Variants in TLK1 observed in about 807,000 individuals in gnomAD.
TLK1 encodes serine/threonine-protein kinase tousled-like 1.
TLK1 carries 24 observed loss-of-function variants against 105.3 expected under a neutral mutation model. That is an observed-to-expected ratio of 0.23 (90% CI 0.17 to 0.32). TLK1 has a LOEUF of 0.32. Among genes scored for constraint, TLK1 ranks in the 10% least tolerant of loss-of-function variants. TLK1 has a pLI of 1.00. For missense variants in TLK1, 558 were observed against 910.5 expected, an observed-to-expected ratio of 0.61 and a Z score of 4.98; for synonymous variants, 321 against 310.4, an observed-to-expected ratio of 1.03 and a Z score of -0.36.
chr2:171,161,089 G>A (rs1692483925), upstream of TLK1, among the ~76,000 whole-genome samples: 1 of 147,928 alleles, frequency 6.8e-6, no homozygotes, highest in African/African-American at 2.4e-5. Flanking sequence ...AGACTAGAGC[G>A]CCGGGGCGCC....
chr2:171,030,619 G>T (rs1209541468), intron 11 of TLK1, among the ~76,000 whole-genome samples: 2 of 152,138 alleles, frequency 1.3e-5, no homozygotes, highest in East Asian at 3.8e-4. Context: ...TGCCACTGGT[G>T]GAAGTTTGCC....
chr2:171,017,791 G>C (rs1685279308), intron 12 of TLK1, among the ~76,000 whole-genome samples: 1 of 152,044 alleles, frequency 6.6e-6, no homozygotes, highest in African/African-American at 2.4e-5. Flanking sequence ...AGTAGCACTA[G>C]AGAAAAAAAG....
At chr2:171,209,047 A>T (rs151288613) in intron 1 of TLK1, among the ~76,000 whole-genome samples, 2 of 152,238 alleles carry the variant, frequency 1.3e-5, no homozygotes, top group Non-Finnish European at 2.9e-5. Flanking sequence ...TTCTGGCTAT[A>T]GGAGAGAATG....
chr2:171,045,638 C>T (rs1004883714), intron 11 of TLK1: 4 of 151,998 alleles, frequency 2.6e-5, no homozygotes, highest in Non-Finnish European at 5.9e-5. Context: ...GGATCATGGT[C>T]TATATTATTA....
At chr2:171,179,687 G>T (rs1485761174) in intron 1 of TLK1, among the ~76,000 whole-genome samples, 3 of 152,230 alleles carry the variant, frequency 2.0e-5, no homozygotes, top group African/African-American at 7.2e-5. Context: ...GCCGGGTGCA[G>T]TGGCTCATAC....
rs570614585 is a variant in TLK1, at chr2:171,181,097, G to C, written c.-6+50048C>G. Among the ~76,000 whole-genome samples, 29 of 152,268 alleles carry C rather than the reference G, an allele frequency of 1.9e-4. 1 individual carries two copies. In the South Asian group the frequency reaches 6.0e-3, roughly 32 times the overall value. ...TGTTCTGATCTTTCAACAGAAGCTGGAAGAATTAATGTCTCATTGAGAGAA... is the reference window on the plus strand; with the variant it reads ...TGTTCTGATCTTTCAACAGAAGCTGCAAGAATTAATGTCTCATTGAGAGAA... On this transcript the variant is annotated intron_variant, in intron 1 of 20. Coordinates refer to the TLK1 transcript ENST00000521943.
chr2:171,200,182 G>A (rs761218648), intron 1 of TLK1, among the ~76,000 whole-genome samples: 3 of 152,100 alleles, frequency 2.0e-5, no homozygotes, highest in Non-Finnish European at 2.9e-5. Context: ...AAATTGTGGC[G>A]TTTCCACTTT....
intron 2 of TLK1, among the ~76,000 whole-genome samples, chr2:171,093,290 TTG>T (rs1689314770): frequency 6.6e-6 from 1 of 152,178 alleles, no homozygotes; most frequent in Non-Finnish European, 1.5e-5. Context: ...GGGAAAAATT[TTG>T]TCTAGGTACA....
rs151288613 is a variant in TLK1 at position 171,209,047 on chromosome 2, A to G, written c.-6+22098T>C. Among the ~76,000 whole-genome samples, 256 of 152,356 alleles carry G rather than the reference A, an allele frequency of 1.7e-3. 1 individual carries two copies. The highest frequency in any genetic ancestry group is 5.9e-3 in the African/African-American group (247 of 41,576). On this transcript the variant is annotated intron_variant, in intron 1 of 20. Coordinates refer to the TLK1 transcript ENST00000521943. ...ACACAATTGTATATTTTCTGGCTAT[A>G]GGAGAGAATGGGGAAGCTCTTTATG...
intron 1 of TLK1, among the ~76,000 whole-genome samples, chr2:171,126,802 C>T (rs1177908204): frequency 6.6e-6 from 1 of 151,462 alleles, no homozygotes; most frequent in Admixed American, 6.6e-5. Flanking sequence ...TTATAGAGAA[C>T]AGTTAAAGCT....
chr2:171,134,708 A>G (rs976299835), intron 1 of TLK1, among the ~76,000 whole-genome samples: 9 of 150,168 alleles, frequency 6.0e-5, no homozygotes, highest in African/African-American at 2.2e-4. Flanking sequence ...TATATATACA[A>G]TGTAATACTA....
At chr2:171,060,779 T>A (rs1225074829) in intron 4 of TLK1, among the ~76,000 whole-genome samples, 3 of 152,130 alleles carry the variant, frequency 2.0e-5, no homozygotes, top group Non-Finnish European at 4.4e-5. Context: ...TAAAGTGAGA[T>A]TGAAGTTTTT....
At chr2:171,081,402 A>G (rs989328492) in intron 3 of TLK1, among the ~76,000 whole-genome samples, 1 of 152,234 alleles carries the variant, frequency 6.6e-6, no homozygotes, top group African/African-American at 2.4e-5. Context: ...ATTGCTCTTC[A>G]TAACACAAAT....
At position 171,058,164 on chromosome 2, in the gene TLK1, C is replaced by T. The variant is rs1297076225; in HGVS notation, c.440G>A (p.Ser147Asn). The T allele has an allele frequency of 3.1e-6, 5 of 1,613,520 alleles. No homozygotes were observed. The South Asian group carries it at 3.3e-5, about 11-fold the overall frequency. The change falls in exon 5 of 21, where the codon AGC (serine) becomes AAC (asparagine). Residue 147 changes from serine (S) to asparagine (N), a missense_variant. Ser to Asn is a conservative substitution (Grantham distance 46, BLOSUM62 1). This residue lies in a region of TLK1 where 196 missense variants were observed against 239.3 expected (regional missense o/e 0.82). Transcript: ENST00000431350. ...KSIGGRGHKI[S>N]DYFEYQGGNG... The stretch of plus-strand genomic sequence containing the variant: ...CAATGAACTTACTTCAAAATAGTCG[C>T]TAATTTTGTGGCCACGTCCCCCAAT...
At chr2:171,162,446 G>A (rs954137321), upstream of TLK1, among the ~76,000 whole-genome samples, 1 of 152,192 alleles carries the variant, frequency 6.6e-6, no homozygotes, top group Non-Finnish European at 1.5e-5. Context: ...GCTGAGGCAG[G>A]AGAATCGCTT....
At chr2:171,050,695 T>C (rs922799415) in intron 8 of TLK1, among the ~76,000 whole-genome samples, 3 of 152,232 alleles carry the variant, frequency 2.0e-5, no homozygotes, top group African/African-American at 7.2e-5. Context: ...TCCTCACCAT[T>C]CTTCCTTAGC....
intron 3 of TLK1, among the ~76,000 whole-genome samples, chr2:171,061,549 T>C (rs540604339): frequency 6.6e-6 from 1 of 152,312 alleles, no homozygotes; most frequent in South Asian, 2.1e-4. Flanking sequence ...TCAAACATAC[T>C]TAGTGTATAA....
At chr2:171,035,753 C>CA (rs1274274814) in intron 11 of TLK1, among the ~76,000 whole-genome samples, 1 of 152,158 alleles carries the variant, frequency 6.6e-6, no homozygotes, top group Non-Finnish European at 1.5e-5. Flanking sequence ...GAAGGGGAGG[C>CA]AGTGTCAGAA....
intron 1 of TLK1, among the ~76,000 whole-genome samples, chr2:171,227,585 T>TTTG (rs1477728165): frequency 7.1e-5 from 10 of 140,716 alleles, no homozygotes; most frequent in Non-Finnish European, 1.5e-4. Context: ...TTTTTTTTTT[T>TTTG]TTTTTTTTTT....
Sources: allele counts gnomAD v4.1 joint callset (sites outside exome capture counted in the v4.1 genomes callset), GRCh38; gene constraint gnomAD v4.1.1; regional missense constraint gnomAD v4.1.1; transcripts MANE v1.5; gene names NCBI Gene and HGNC (gene_info 2026-07-23, HGNC 2026-07-21).